HEATR4: variants seen among roughly 807,000 people sequenced by gnomAD.
HEATR4 encodes HEAT repeat containing 4, also known as HEAT repeat-containing protein 4.
Under a neutral mutation model 108.8 loss-of-function variants are expected in HEATR4, and 95 were observed. That is an observed-to-expected ratio of 0.87 (90% CI 0.74 to 1.04). The LOEUF (loss-of-function observed/expected upper bound fraction) is 1.04, where lower values mean the gene tolerates loss of function less well. Ranked by LOEUF, HEATR4 falls within the 50% of genes least tolerant of loss-of-function variation. HEATR4 has a pLI of 0.00. For missense variants in HEATR4, 1,152 were observed against 1,253.8 expected, an observed-to-expected ratio of 0.92 and a Z score of 1.23; for synonymous variants, 443 against 459.4, an observed-to-expected ratio of 0.96 and a Z score of 0.46.
chr14:73,500,487 C>CAGGGAAGGT lies in HEATR4; in HGVS notation c.2286+54_2286+62dup, dbSNP rs1169397510. 1.1e-5 allele frequency: 16 copies of CAGGGAAGGT among 1,518,352 alleles called. No homozygotes were observed. In the African/African-American group the frequency reaches 1.9e-4, roughly 18 times the overall value. The allele number at this position is 1,518,352 out of a possible 1,614,324, so 94.1% of individuals were successfully genotyped here. On this transcript the variant is annotated intron_variant, in intron 12 of 17. Coordinates refer to ENST00000553558, the MANE Select transcript of HEATR4 (RefSeq NM_001220484.1). ...GAATGTTGAGCATACTGTGCACAAC[C>CAGGGAAGGT]AGGGAAGGTAATGCCCTCTTCAGGT...
the HEATR4 span, among the ~76,000 whole-genome samples, chr14:73,589,630 T>A: frequency 1.3e-5 from 2 of 152,108 alleles, no homozygotes; most frequent in Non-Finnish European, 2.9e-5. Context: ...ACCTTATATT[T>A]CATCAAAAAG....
At chr14:73,488,893 G>T (rs1325494247) in intron 17 of HEATR4, among the ~76,000 whole-genome samples, 1 of 151,802 alleles carries the variant, frequency 6.6e-6, no homozygotes, top group African/African-American at 2.4e-5. Context: ...GTGGTAGCAG[G>T]TGCCTGTAAT....
the HEATR4 span, among the ~76,000 whole-genome samples, chr14:73,627,137 C>G: frequency 7.3e-5 from 11 of 151,554 alleles, no homozygotes; most frequent in Non-Finnish European, 1.3e-4. Flanking sequence ...TAGACTTCTC[C>G]TCACTAGCTG....
chr14:73,498,927 C>G (rs536730338), intron 13 of HEATR4, 144 bp downstream of exon 13: 3 of 725,590 alleles, frequency 4.1e-6, no homozygotes, highest in East Asian at 5.0e-5. Flanking sequence ...TTATCTTTCT[C>G]TTTTCAGACA....
At chr14:73,590,078 C>T in the HEATR4 span, among the ~76,000 whole-genome samples, 4 of 152,174 alleles carry the variant, frequency 2.6e-5, no homozygotes, top group African/African-American at 7.2e-5. Context: ...CAAACCTTCC[C>T]GCAACGTAGA....
In HEATR4 at chr14:73,485,929, G is replaced by T. The variant is rs1185156191; in HGVS notation, c.2845-7087C>A. 5.9e-5 allele frequency among the ~76,000 whole-genome samples: 9 copies of T among 152,056 alleles called. 1 individual carries two copies. The East Asian group carries it at 1.5e-3, about 26-fold the overall frequency. ...GCGTCTCACCATGTTGCTCAGGCTG[G>T]TCTGGAACTCTTGAGTTCAAGCAAT... is the stretch of plus-strand genomic sequence containing the variant. On this transcript the variant is annotated intron_variant, in intron 17 of 17. Coordinates refer to ENST00000553558, the MANE Select transcript of HEATR4 (RefSeq NM_001220484.1).
chr14:73,492,999 C>CA lies in HEATR4; in HGVS notation c.2844+66_2844+67insT. The CA allele has an allele frequency of 6.8e-7, 1 of 1,460,246 alleles. No individual in the cohort carries two copies. The highest frequency in any genetic ancestry group is 9.1e-7 in the Non-Finnish European group (1 of 1,093,628). 90.5% of individuals were successfully genotyped at this position (1,460,246 alleles called of 1,614,324 possible). On this transcript the variant is annotated intron_variant, in intron 17 of 17. Transcript: ENST00000553558. This position sits in a 1 kb window ranked among gnomAD's most constrained non-coding sequence, Gnocchi z 4.9. ...AGTGATTCTCCGCTGCCACTGCTAC[C>CA]TTTTTTTTTTTTTTTTCCTTAAACT...
At chr14:73,524,032 T>A (rs1421179812) in intron 2 of HEATR4, among the ~76,000 whole-genome samples, 1 of 152,072 alleles carries the variant, frequency 6.6e-6, no homozygotes, top group Non-Finnish European at 1.5e-5. Flanking sequence ...GGCTCACGCC[T>A]GTAATCCCAG....
At chr14:73,607,993 T>C in the HEATR4 span, among the ~76,000 whole-genome samples, 1 of 146,534 alleles carries the variant, frequency 6.8e-6, no homozygotes, top group East Asian at 2.1e-4. Context: ...GGTGCAATCT[T>C]GACTCACTGC....
At chr14:73,513,881 G>C in intron 6 of HEATR4, 150 bp downstream of exon 6, 1 of 708,066 alleles carries the variant, frequency 1.4e-6, no homozygotes, top group Non-Finnish European at 2.4e-6. Context: ...CACCCAATGT[G>C]TGAAAGGCTC....
At chr14:73,569,951 G>A in the HEATR4 span, 13 of 1,513,866 alleles carry the variant, frequency 8.6e-6, no homozygotes, top group South Asian at 1.0e-4. Context: ...CCCGCCCCAC[G>A]CTTTTCGCTT....
the HEATR4 span, chr14:73,591,658 C>A: frequency 2.9e-6 from 1 of 342,774 alleles, no homozygotes; most frequent in Non-Finnish European, 5.2e-6. Flanking sequence ...AACTTTCATT[C>A]CAACAACCGA....
rs533770690 is a variant in HEATR4 at position 73,479,406 on chromosome 14, G to T, written c.2845-564C>A. Among the ~76,000 whole-genome samples the T allele has an allele frequency of 4.4e-3, 161 of 36,340 alleles. 1 individual carries two copies. The highest frequency in any genetic ancestry group is 0.012 in the African/African-American group (153 of 12,274). The allele number at this position is 36,340 out of a possible 152,430, so 23.8% of individuals were successfully genotyped here. A position where few individuals can be genotyped will look rare whatever the true frequency, so the allele number is the denominator to read the frequency against. On this transcript the variant is annotated intron_variant, in intron 17 of 17. Coordinates refer to ENST00000553558, the MANE Select transcript of HEATR4 (RefSeq NM_001220484.1). ...CTGGGATTACGGTGTCAGCCACTGC[G>T]CCCGGCGTTTTTTTTTCTTTCTTTC...
the HEATR4 span, among the ~76,000 whole-genome samples, chr14:73,620,096 G>C: frequency 6.6e-6 from 1 of 152,044 alleles, no homozygotes; most frequent in Non-Finnish European, 1.5e-5. Flanking sequence ...ATTTTTAGTA[G>C]AGACAAGGTT....
intron 12 of HEATR4, 46 bp downstream of exon 12, chr14:73,500,504 T>A: frequency 6.3e-7 from 1 of 1,575,494 alleles, no homozygotes; most frequent in Non-Finnish European, 8.7e-7. Context: ...GGTAATGCCC[T>A]CTTCAGGTCA....
chr14:73,613,686 C>G, the HEATR4 span, among the ~76,000 whole-genome samples: 1 of 152,138 alleles, frequency 6.6e-6, no homozygotes, highest in South Asian at 2.1e-4. Flanking sequence ...TGGCATCTAG[C>G]AGGCAGAGGC....
chr14:73,563,277 T>C (rs1297850588), upstream of HEATR4, among the ~76,000 whole-genome samples: 1 of 151,970 alleles, frequency 6.6e-6, no homozygotes, highest in Non-Finnish European at 1.5e-5. Context: ...GTTTAATGGG[T>C]AAAGACTTTC....
chr14:73,574,683 GAA>G, the HEATR4 span, among the ~76,000 whole-genome samples: 1 of 152,016 alleles, frequency 6.6e-6, no homozygotes, highest in Non-Finnish European at 1.5e-5. Context: ...AGAAACCAGA[GAA>G]TAATTGATAG....
At chr14:73,614,458 G>A in the HEATR4 span, among the ~76,000 whole-genome samples, 1 of 151,526 alleles carries the variant, frequency 6.6e-6, no homozygotes, top group Non-Finnish European at 1.5e-5. Flanking sequence ...ATACTGACTG[G>A]GCCAGGCGCA....
Sources: gnomAD v4.1 joint callset for allele counts (sites outside exome capture counted in the v4.1 genomes callset) on GRCh38, gnomAD v4.1.1 for gene constraint, Gnocchi (gnomAD v3.1) non-coding constraint, MANE v1.5 for transcripts, NCBI Gene and HGNC (gene_info 2026-07-23, HGNC 2026-07-21) for gene names.